Variants in DLG5 observed in about 807,000 individuals in gnomAD.
DLG5 encodes disks large homolog 5.
Under a neutral mutation model 189.8 loss-of-function variants are expected in DLG5, and 48 were observed. The observed-to-expected ratio is 0.25, with a 90% CI of 0.20 to 0.32. The LOEUF is 0.32. Ranked by LOEUF, DLG5 falls within the 10% of genes least tolerant of loss-of-function variation. DLG5 has a pLI of 1.00. For missense variants in DLG5, 2,160 were observed against 2,544.7 expected, an observed-to-expected ratio of 0.85 and a Z score of 3.25; for synonymous variants, 1,016 against 1,054.1, an observed-to-expected ratio of 0.96 and a Z score of 0.70.
chr10:77,892,673 G>T (rs1395816227), intron 1 of DLG5, among the ~76,000 whole-genome samples: 1 of 152,204 alleles, frequency 6.6e-6, no homozygotes, highest in East Asian at 1.9e-4. Flanking sequence ...AATTCCTGGA[G>T]ACCAGGGTGG....
intron 13 of DLG5, among the ~76,000 whole-genome samples, chr10:77,828,447 A>G: frequency 7.5e-6 from 1 of 133,302 alleles, no homozygotes; most frequent in Non-Finnish European, 1.5e-5. Flanking sequence ...GGATTGCGCC[A>G]CTGCGTTCTA....
intron 1 of DLG5, among the ~76,000 whole-genome samples, chr10:77,897,784 T>A (rs1489224896): frequency 6.6e-6 from 1 of 151,568 alleles, no homozygotes; most frequent in Non-Finnish European, 1.5e-5. Context: ...TATAATTTCT[T>A]AGTGGTAGAA....
Position 77,842,176 on chromosome 10 carries a change from T to C in DLG5, c.1142A>G (p.His381Arg), listed in dbSNP as rs150885638. ...LSLRRFEAIH[H>R]ELNKATAQNK... is the part of the protein sequence containing the mutation. ...CTGCGCCGTGGCCTTGTTCAGCTCA[T>C]GGTGGATCGCCTCAAACCTGGCAAG... Residue 381 changes from histidine to arginine, a missense_variant, in exon 7 of 32, where the codon CAT becomes CGT. This residue lies in a region of DLG5 where 664 missense variants were observed against 838.5 expected (regional missense o/e 0.79). Coordinates refer to ENST00000372391, the MANE Select transcript of DLG5 (RefSeq NM_004747.4). The C allele has an allele frequency of 3.8e-4, 617 of 1,603,762 alleles. No individual in the cohort carries two copies. In the Middle Eastern group the frequency reaches 0.014, roughly 36 times the overall value.
chr10:77,893,247 A>G (rs1270527145), intron 1 of DLG5, among the ~76,000 whole-genome samples: 1 of 152,246 alleles, frequency 6.6e-6, no homozygotes, highest in Non-Finnish European at 1.5e-5. Context: ...AGAGAGAAGG[A>G]GGTGAAAGTG....
rs200325993 is a variant in DLG5, at chr10:77,821,312, C to G, written c.3172G>C (p.Gly1058Arg). 5.0e-5 allele frequency: 81 copies of G among 1,613,376 alleles called. No homozygotes were observed. In the East Asian group the frequency reaches 1.8e-3, roughly 35 times the overall value. ...PSALPPDVDP[G>R]EPMHASPPRK... The stretch of plus-strand genomic sequence containing the variant: ...GGGGGTGATGCGTGCATGGGCTCCC[C>G]GGGGTCCACGTCAGGGGGCAGGGCG... The change falls in exon 15 of 32, where the codon GGG becomes CGG. Residue 1058 changes from glycine to arginine, a missense_variant. Transcript: ENST00000372391.
chr10:77,922,016 A>T (rs1035374445), intron 1 of DLG5, among the ~76,000 whole-genome samples: 1 of 152,160 alleles, frequency 6.6e-6, no homozygotes, highest in Non-Finnish European at 1.5e-5. Flanking sequence ...TAGCATACCG[A>T]GTTTTTTATA....
At chr10:77,936,236 G>A in the DLG5 span, among the ~76,000 whole-genome samples, 2,114 of 152,156 alleles carry the variant, frequency 0.014, 56 homozygotes, top group African/African-American at 0.048. Context: ...TCAGGAGATC[G>A]AGACCATCCC....
Position 77,811,908 on chromosome 10 carries a change from G to C in DLG5, c.4322+16C>G, listed in dbSNP as rs1354800056. Reference sequence around the variant, plus strand: ...TCCACCCCCAGCCCAGACGGCCCTGGGAGGCCCGCACTCACCTGGACCGGG... The same window carrying C: ...TCCACCCCCAGCCCAGACGGCCCTGCGAGGCCCGCACTCACCTGGACCGGG... On this transcript the variant is annotated intron_variant, in intron 22 of 31. Transcript: ENST00000372391. The C allele has an allele frequency of 2.3e-5, 37 of 1,598,854 alleles. No homozygotes were observed. Among genetic ancestry groups the C allele is most frequent in the Non-Finnish European group, 3.0e-5 (35 of 1,177,784 alleles).
chr10:77,904,855 G>A (rs7073934), intron 1 of DLG5, among the ~76,000 whole-genome samples: 45,467 of 150,526 alleles, frequency 0.3, 7,474 homozygotes, highest in Admixed American at 0.43. Flanking sequence ...CCGGCCGGGC[G>A]CGGTGGCTCA....
intron 7 of DLG5, among the ~76,000 whole-genome samples, chr10:77,836,546 C>A (rs2154576127): frequency 6.6e-6 from 1 of 152,250 alleles, no homozygotes; most frequent in South Asian, 2.1e-4. Flanking sequence ...AGGAAGAAAG[C>A]TTCCGTTCCC....
chr10:77,849,799 AAGTC>A (rs1004931265), intron 5 of DLG5, among the ~76,000 whole-genome samples: 2 of 152,252 alleles, frequency 1.3e-5, no homozygotes, highest in African/African-American at 4.8e-5. Context: ...GTGCTCAAGA[AAGTC>A]AGAGAACGGG....
At chr10:77,834,605 AG>A (rs1403442011) in intron 8 of DLG5, among the ~76,000 whole-genome samples, 1 of 152,164 alleles carries the variant, frequency 6.6e-6, no homozygotes, top group Non-Finnish European at 1.5e-5. Context: ...ACTCTATGAA[AG>A]AGGACCCCAA....
At chr10:77,793,285 C>CACACAG (rs910187758) in intron 31 of DLG5, 2 of 153,258 alleles carry the variant, frequency 1.3e-5, no homozygotes, top group Non-Finnish European at 1.5e-5. Flanking sequence ...CACACACACA[C>CACACAG]ACACAGAGGC....
At chr10:77,890,642 C>G (rs1412640706) in intron 1 of DLG5, among the ~76,000 whole-genome samples, 1 of 152,190 alleles carries the variant, frequency 6.6e-6, no homozygotes, top group African/African-American at 2.4e-5. Context: ...CATGGAGAAA[C>G]CCCATCTCTA....
At chr10:77,939,883 A>G in the DLG5 span, among the ~76,000 whole-genome samples, 3 of 152,228 alleles carry the variant, frequency 2.0e-5, no homozygotes. Context: ...GTGCAGGGCC[A>G]TGAAGACCTC....
At chr10:77,852,892 T>C (rs996210174) in intron 5 of DLG5, among the ~76,000 whole-genome samples, 5 of 152,186 alleles carry the variant, frequency 3.3e-5, no homozygotes, top group Admixed American at 2.6e-4. Context: ...CCTGTGTGTA[T>C]GTGTACACTT....
chr10:77,792,505 G>T lies in DLG5; in HGVS notation c.5695C>A (p.Gln1899Lys). 6.2e-7 allele frequency: 1 copy of T among 1,614,194 alleles called. No individual in the cohort carries two copies. Among genetic ancestry groups the T allele is most frequent in the Non-Finnish European group, 8.5e-7 (1 of 1,180,038 alleles). The change falls in exon 32 of 32, where the codon CAG (glutamine) becomes AAG (lysine). Residue 1899 changes from glutamine (Q) to lysine (K), a missense_variant. Around this residue, in one of 5 missense-constraint regions of DLG5, gnomAD observed 574 missense variants for 644.2 expected, o/e 0.89. Coordinates refer to ENST00000372391, the MANE Select transcript of DLG5 (RefSeq NM_004747.4). The part of the protein sequence containing the change: ...QGGALSSICT[Q>K]ILAMVNQEQN... ...TCTTGATTGACCATTGCCAAGATCT[G>T]AGTGCAAATGCTTGACAGGGCTCCT...
chr10:77,874,988 T>C (rs1022613244), intron 1 of DLG5, among the ~76,000 whole-genome samples: 1 of 152,240 alleles, frequency 6.6e-6, no homozygotes, highest in Admixed American at 6.5e-5. Flanking sequence ...TACTAAGTAC[T>C]GGGACTGTGC....
chr10:77,842,203 G>T lies in DLG5; in HGVS notation c.1125-10C>A. 6.3e-7 allele frequency: 1 copy of T among 1,596,680 alleles called. No individual in the cohort carries two copies. ...GTGGATCGCCTCAAACCTGGCAAGA[G>T]AGGTGGCGAGATGTGGGAAGGGCGG... On this transcript the variant is annotated splice_polypyrimidine_tract_variant and intron_variant, in intron 6 of 31. Coordinates refer to ENST00000372391, the MANE Select transcript of DLG5 (RefSeq NM_004747.4).
Sources: gnomAD v4.1 joint callset for allele counts (sites outside exome capture counted in the v4.1 genomes callset) on GRCh38, gnomAD v4.1.1 for gene constraint, gnomAD v4.1.1 regional missense constraint, MANE v1.5 for transcripts, NCBI Gene and HGNC (gene_info 2026-07-23, HGNC 2026-07-21) for gene names.